Variants in PRKN observed in about 807,000 individuals in gnomAD.
PRKN encodes parkin RBR E3 ubiquitin protein ligase.
In PRKN, 56 loss-of-function variants were observed where a neutral mutation model predicts 59.5. The ratio of observed to expected loss-of-function variants is 0.94; its 90% CI spans 0.76 to 1.18. The LOEUF (loss-of-function observed/expected upper bound fraction) is 1.18. Among genes scored for constraint, PRKN ranks in the 50% most tolerant of loss-of-function variants. The pLI, the probability that PRKN is intolerant of heterozygous loss-of-function variation, is 0.00. For missense variants in PRKN, 657 were observed against 596.4 expected, an observed-to-expected ratio of 1.10 and a Z score of -1.06; for synonymous variants, 250 against 222.1, an observed-to-expected ratio of 1.13 and a Z score of -1.12.
rs113690335 is a variant in PRKN, at chr6:161,462,365, C to T, written c.1084-75488G>A. On this transcript the variant is annotated intron_variant, in intron 9 of 11. Coordinates refer to ENST00000366898, the MANE Select transcript of PRKN (RefSeq NM_004562.3). The surrounding 1 kb of genome is among the most constrained non-coding windows in gnomAD (Gnocchi z 4.5). ...AGCTGGCATTTTTCAGTCGAAATAC[C>T]ACAGGGAGAGGTATTTTAGGAGCTG... Among the ~76,000 whole-genome samples, 53 of 152,172 alleles carry T rather than the reference C, an allele frequency of 3.5e-4. No individual in the cohort carries two copies. The highest frequency in any genetic ancestry group is 1.3e-3 in the African/African-American group (52 of 41,512).
At chr6:161,816,458 G>A (rs1269219582) in intron 6 of PRKN, among the ~76,000 whole-genome samples, 1 of 152,122 alleles carries the variant, frequency 6.6e-6, no homozygotes, top group African/African-American at 2.4e-5. Context: ...GTGTATACAT[G>A]TATCATGACT....
intron 7 of PRKN, among the ~76,000 whole-genome samples, chr6:161,594,555 A>G (rs1371829416): frequency 6.6e-6 from 1 of 152,232 alleles, no homozygotes; most frequent in Non-Finnish European, 1.5e-5. Context: ...TTTTGTTAGA[A>G]TTCAGTCAAA....
intron 4 of PRKN, among the ~76,000 whole-genome samples, chr6:162,057,178 A>G (rs1777902346): frequency 6.6e-6 from 1 of 152,160 alleles, no homozygotes; most frequent in African/African-American, 2.4e-5. Context: ...CCAGTCACAA[A>G]GAACAAGCCG....
rs144640853 is a variant in PRKN, at chr6:161,355,697, C to T, written c.1285+4391G>A. ...CTGGGATTACAGGCGTGAGTCACCA[C>T]GCCCGGCCTACAAGCTAAGTTTTAA... On this transcript the variant is annotated intron_variant, in intron 11 of 11. Transcript: ENST00000366898. The surrounding 1 kb of genome is among the most constrained non-coding windows in gnomAD (Gnocchi z 6.8). 8.5e-5 allele frequency among the ~76,000 whole-genome samples: 13 copies of T among 152,146 alleles called. No individual in the cohort carries two copies. The highest frequency in any genetic ancestry group is 2.1e-4 in the South Asian group (1 of 4,832).
chr6:161,826,271 T>C (rs1286829096), intron 6 of PRKN, among the ~76,000 whole-genome samples: 1 of 152,130 alleles, frequency 6.6e-6, no homozygotes, highest in African/African-American at 2.4e-5. Context: ...AAAAATCATA[T>C]TTAAGACAAA....
At chr6:161,649,296 A>T (rs562262975) in intron 7 of PRKN, among the ~76,000 whole-genome samples, 76 of 152,278 alleles carry the variant, frequency 5.0e-4, no homozygotes, top group African/African-American at 1.6e-3. Context: ...TGCTTGCCTT[A>T]GGGCTGAGTG....
rs896688627 is a variant in PRKN at position 162,197,505 on chromosome 6, T to C, written c.534+3626A>G. Among the ~76,000 whole-genome samples the C allele has an allele frequency of 6.6e-5, 10 of 152,174 alleles. 1 individual carries two copies. The highest frequency in any genetic ancestry group is 2.2e-4 in the African/African-American group (9 of 41,432). ...AGTTATATTTTAAGTACAAGGGAAGTAGTTAGAAAATAGAACACTGATTAC... is the reference window on the plus strand; with the variant it reads ...AGTTATATTTTAAGTACAAGGGAAGCAGTTAGAAAATAGAACACTGATTAC... On this transcript the variant is annotated intron_variant, in intron 4 of 11. Transcript: ENST00000366898.
intron 6 of PRKN, among the ~76,000 whole-genome samples, chr6:161,900,632 A>G (rs1215384170): frequency 6.4e-5 from 8 of 124,742 alleles, no homozygotes; most frequent in African/African-American, 2.5e-4. Context: ...ACTATAATAT[A>G]CTATATATTA....
chr6:161,817,935 G>A (rs1260517792), intron 6 of PRKN, among the ~76,000 whole-genome samples: 2 of 152,192 alleles, frequency 1.3e-5, no homozygotes, highest in Non-Finnish European at 2.9e-5. Context: ...CGAAGAGCCT[G>A]AAGATGTGAA....
At chr6:162,568,564 TGCAGGA>T (rs1379214952) in intron 1 of PRKN, 4 of 821,304 alleles carry the variant, frequency 4.9e-6, no homozygotes, top group African/African-American at 1.7e-5. Flanking sequence ...ATCCAGGCCG[TGCAGGA>T]GCAGGAGAAG....
At chr6:162,522,549 A>C (rs148906562) in intron 1 of PRKN, among the ~76,000 whole-genome samples, 1 of 152,360 alleles carries the variant, frequency 6.6e-6, no homozygotes, top group Non-Finnish European at 1.5e-5. Flanking sequence ...TGTTTCTAAT[A>C]AAGTGAGCAA....
chr6:161,864,944 G>A (rs1172147681), intron 6 of PRKN, among the ~76,000 whole-genome samples: 4 of 152,146 alleles, frequency 2.6e-5, no homozygotes, highest in African/African-American at 4.8e-5. Flanking sequence ...GTGAACCATC[G>A]TGCCCGGCCT....
intron 5 of PRKN, among the ~76,000 whole-genome samples, chr6:162,010,309 A>T (rs1583475349): frequency 8.1e-6 from 1 of 122,946 alleles, no homozygotes; most frequent in South Asian, 2.4e-4. Context: ...TTTATTATAT[A>T]TATTTTATAT....
intron 2 of PRKN, among the ~76,000 whole-genome samples, chr6:162,266,883 A>G (rs990302197): frequency 6.6e-6 from 1 of 152,208 alleles, no homozygotes; most frequent in Non-Finnish European, 1.5e-5. Context: ...TTAGCTGCAC[A>G]CTTCTGTTTG....
At chr6:161,914,350 C>T (rs905888113) in intron 6 of PRKN, among the ~76,000 whole-genome samples, 21 of 152,164 alleles carry the variant, frequency 1.4e-4, no homozygotes, top group East Asian at 7.7e-4. Flanking sequence ...GATATAGGCA[C>T]ATGTATATTA....
chr6:162,393,396 G>A (rs190392403), intron 2 of PRKN, among the ~76,000 whole-genome samples: 5 of 151,996 alleles, frequency 3.3e-5, no homozygotes, highest in Non-Finnish European at 5.9e-5. Context: ...TCCTGACCTC[G>A]TGATCCACCT....
chr6:161,900,910 TTG>T (rs750867722), intron 6 of PRKN, among the ~76,000 whole-genome samples: 33,632 of 138,544 alleles, frequency 0.24, 4,484 homozygotes, highest in Middle Eastern at 0.32. Flanking sequence ...ATATGTTAAA[TTG>T]TATATATATA....
intron 5 of PRKN, among the ~76,000 whole-genome samples, chr6:162,019,065 C>T (rs1383278358): frequency 6.6e-6 from 1 of 152,154 alleles, no homozygotes; most frequent in Non-Finnish European, 1.5e-5. Context: ...TTTACTGACT[C>T]ATACAACATT....
chr6:162,705,341 T>C (rs895822150), intron 1 of PRKN, among the ~76,000 whole-genome samples: 3 of 152,308 alleles, frequency 2.0e-5, no homozygotes, highest in South Asian at 4.1e-4. Flanking sequence ...ATGCCATAGA[T>C]GTAAATGTGA....
Sources: gnomAD v4.1 joint callset for allele counts (sites outside exome capture counted in the v4.1 genomes callset) on GRCh38, gnomAD v4.1.1 for gene constraint, Gnocchi (gnomAD v3.1) non-coding constraint, MANE v1.5 for transcripts, NCBI Gene and HGNC (gene_info 2026-07-23, HGNC 2026-07-21) for gene names.